Variants in SELENOI observed in about 807,000 individuals in gnomAD.
The protein encoded by SELENOI is selenoprotein I, also known as ethanolaminephosphotransferase 1.
A neutral mutation model predicts 50.7 loss-of-function variants in SELENOI; 24 were observed. The observed-to-expected ratio is 0.47, with a 90% confidence interval of 0.34 to 0.67. The LOEUF is 0.67. Among genes scored for constraint, SELENOI ranks in the 30% least tolerant of loss-of-function variants. The pLI, the probability that SELENOI is intolerant of heterozygous loss-of-function variation, is 0.01. For synonymous variants in SELENOI, 155 were observed against 170.2 expected (o/e 0.91, Z 0.70); for missense variants, 352 against 461.4 (o/e 0.76, Z 2.17).
intron 8 of SELENOI, among the ~76,000 whole-genome samples, chr2:26,385,700 G>T (rs1027415318): frequency 6.6e-6 from 1 of 152,170 alleles, no homozygotes; most frequent in Non-Finnish European, 1.5e-5. Context: ...AAGCCAGAAG[G>T]TCTGTGTTCT....
intron 8 of SELENOI, among the ~76,000 whole-genome samples, chr2:26,385,468 G>A (rs531272173): frequency 1.3e-5 from 2 of 152,314 alleles, no homozygotes; most frequent in African/African-American, 2.4e-5. Context: ...GGCTAAAATA[G>A]CTGCAGACTT....
At chr2:26,372,131 A>G (rs1677469550) in intron 4 of SELENOI, among the ~76,000 whole-genome samples, 1 of 152,024 alleles carries the variant, frequency 6.6e-6, no homozygotes. Flanking sequence ...TTAATTTTTG[A>G]GACAGAGTTT....
At chr2:26,386,906 C>T (rs1395256386) in intron 9 of SELENOI, among the ~76,000 whole-genome samples, 1 of 152,088 alleles carries the variant, frequency 6.6e-6, no homozygotes, top group Non-Finnish European at 1.5e-5. Context: ...TCTTCACTTG[C>T]TTCTTTAGCT....
At chr2:26,388,763 G>A (rs1367794889) in intron 9 of SELENOI, among the ~76,000 whole-genome samples, 1 of 152,128 alleles carries the variant, frequency 6.6e-6, no homozygotes, top group Non-Finnish European at 1.5e-5. Flanking sequence ...GTGAATTTGA[G>A]TGCTCTGGAG....
chr2:26,372,237 C>T (rs943442852), intron 4 of SELENOI, among the ~76,000 whole-genome samples: 2 of 152,114 alleles, frequency 1.3e-5, no homozygotes, highest in African/African-American at 2.4e-5. Context: ...CTCAGCCTCC[C>T]GAGTAGCTGG....
In SELENOI at chr2:26,373,489, G is replaced by T; in HGVS notation, c.433G>T (p.Gly145Ter). 6.2e-7 allele frequency: 1 copy of T among 1,613,970 alleles called. No homozygotes were observed. The highest frequency in any genetic ancestry group is 1.1e-5 in the South Asian group (1 of 91,080). ...YFVVTVYSIF[G>*]RGSTGVSVFV... ...TGTTGTGACTGTTTATTCCATCTTT[G>T]GAAGAGGATCAACTGGTGTCAGTGT... is the stretch of plus-strand genomic sequence containing the variant. Residue 145 changes from glycine (G) to a stop codon, truncating the protein, a stop_gained, in exon 5 of 10, where the codon GGA becomes TGA. Coordinates refer to ENST00000260585, the MANE Select transcript of SELENOI (RefSeq NM_033505.4). LOFTEE classifies it high-confidence loss of function.
intron 4 of SELENOI, among the ~76,000 whole-genome samples, chr2:26,371,193 G>C (rs189959841): frequency 2.0e-5 from 3 of 147,638 alleles, no homozygotes; most frequent in Non-Finnish European, 3.0e-5. Context: ...GGTGGCTGCC[G>C]GGCGGAGATG....
Position 26,392,243 on chromosome 2 carries a change from C to T in SELENOI, c.*3140C>T, listed in dbSNP as rs1185185919. ...CAAAGGAAAAAGCAGGCATAGTTTC[C>T]ACTTTAAAGGGAAGAAGGGACTTTA... is the stretch of plus-strand genomic sequence containing the variant. On this transcript the variant is annotated 3_prime_UTR_variant, in exon 10 of 10. Coordinates refer to ENST00000260585, the MANE Select transcript of SELENOI (RefSeq NM_033505.4). 3 of 152,102 alleles carry T rather than the reference C, an allele frequency of 2.0e-5. No homozygotes were observed. Among genetic ancestry groups the T allele is most frequent in the Non-Finnish European group, 4.4e-5 (3 of 68,016 alleles). The allele number at this position is 152,102 out of a possible 1,614,324, so 9.4% of individuals were successfully genotyped here.
At chr2:26,363,245 CT>C (rs1677219454) in intron 1 of SELENOI, among the ~76,000 whole-genome samples, 1 of 152,152 alleles carries the variant, frequency 6.6e-6, no homozygotes, top group African/African-American at 2.4e-5. Flanking sequence ...ATATCTAATC[CT>C]TATGACAATC....
At chr2:26,368,044 A>G (rs1163110375) in intron 4 of SELENOI, among the ~76,000 whole-genome samples, 2 of 152,240 alleles carry the variant, frequency 1.3e-5, no homozygotes, top group African/African-American at 4.8e-5. Flanking sequence ...CACTCGGTAC[A>G]TAGTTTTTAA....
At position 26,395,098 on chromosome 2, in the gene SELENOI, A is replaced by G. The variant is rs1175992336; in HGVS notation, c.*5995A>G. 1.3e-5 allele frequency: 2 copies of G among 152,230 alleles called. No individual in the cohort carries two copies. Among genetic ancestry groups the G allele is most frequent in the Non-Finnish European group, 2.9e-5 (2 of 68,042 alleles). The allele number at this position is 152,230 out of a possible 1,614,324, so 9.4% of individuals were successfully genotyped here. Reference sequence around the variant, plus strand: ...CGTGCAGTGTTCATAGTAGCAATGTATGTACCATTTATTTTATCTGGTTGT... The same window carrying G: ...CGTGCAGTGTTCATAGTAGCAATGTGTGTACCATTTATTTTATCTGGTTGT... On this transcript the variant is annotated 3_prime_UTR_variant, in exon 10 of 10. Transcript: ENST00000260585.
At chr2:26,372,700 G>A (rs1003546261) in intron 4 of SELENOI, among the ~76,000 whole-genome samples, 1 of 152,148 alleles carries the variant, frequency 6.6e-6, no homozygotes, top group Non-Finnish European at 1.5e-5. Flanking sequence ...TGGCATGTTC[G>A]CTGGAAGCTT....
intron 6 of SELENOI, among the ~76,000 whole-genome samples, chr2:26,379,738 TA>T (rs1461713997): frequency 6.6e-6 from 1 of 152,240 alleles, no homozygotes; most frequent in Non-Finnish European, 1.5e-5. Flanking sequence ...ATCAAGTTTT[TA>T]TGATAAAATA....
intron 1 of SELENOI, among the ~76,000 whole-genome samples, chr2:26,353,903 G>A (rs981952848): frequency 1.3e-5 from 2 of 152,056 alleles, no homozygotes; most frequent in African/African-American, 2.4e-5. Flanking sequence ...TACTGCATAC[G>A]GGAAACTCGG....
At chr2:26,352,668 C>T (rs1676984043) in intron 1 of SELENOI, among the ~76,000 whole-genome samples, 1 of 151,992 alleles carries the variant, frequency 6.6e-6, no homozygotes, top group Non-Finnish European at 1.5e-5. Flanking sequence ...CCTGTAATCC[C>T]AACTACTTGG....
chr2:26,367,893 T>G (rs1677318569), intron 4 of SELENOI, among the ~76,000 whole-genome samples: 1 of 152,232 alleles, frequency 6.6e-6, no homozygotes, highest in Non-Finnish European at 1.5e-5. Context: ...TGCTTTATTT[T>G]TCTCCATAGC....
intron 9 of SELENOI, 78 bp from the exon 10 acceptor site, chr2:26,388,927 T>A: frequency 9.0e-7 from 1 of 1,107,748 alleles, no homozygotes; most frequent in Non-Finnish European, 1.3e-6. Context: ...TTGTTATCTC[T>A]AGGGGGTAAA....
In SELENOI at chr2:26,395,142, C is replaced by A. The variant is rs1678061872; in HGVS notation, c.*6039C>A. ...TGGTTGTGTGTGATGTGTGTGTATGCCTATTTAATATGTACACATATATTC... is the reference window on the plus strand; with the variant it reads ...TGGTTGTGTGTGATGTGTGTGTATGACTATTTAATATGTACACATATATTC... On this transcript the variant is annotated 3_prime_UTR_variant, in exon 10 of 10. Coordinates refer to ENST00000260585, the MANE Select transcript of SELENOI (RefSeq NM_033505.4). The A allele has an allele frequency of 6.6e-6, 1 of 152,028 alleles. No individual in the cohort carries two copies. Among genetic ancestry groups the A allele is most frequent in the African/African-American group, 2.4e-5 (1 of 41,374 alleles). The allele number at this position is 152,028 out of a possible 1,614,324, so 9.4% of individuals were successfully genotyped here. A position where few individuals can be genotyped will look rare whatever the true frequency, so the allele number is the denominator to read the frequency against.
intron 1 of SELENOI, among the ~76,000 whole-genome samples, chr2:26,347,277 G>A (rs542375157): frequency 1.3e-5 from 2 of 152,162 alleles, no homozygotes; most frequent in African/African-American, 4.8e-5. Context: ...CTGCTTTAGC[G>A]TGTCTCGCCA....
Sources: allele counts gnomAD v4.1 joint callset (sites outside exome capture counted in the v4.1 genomes callset), GRCh38; gene constraint gnomAD v4.1.1; transcripts MANE v1.5; gene names NCBI Gene and HGNC (gene_info 2026-07-23, HGNC 2026-07-21).